The following CDC26 variants were observed in gnomAD, a reference collection of about 807,000 sequenced individuals.
CDC26 encodes cell division cycle 26.
Under a neutral mutation model 8.0 loss-of-function variants are expected in CDC26, and 2 were observed. The ratio of observed to expected loss-of-function variants is 0.25; its 90% CI spans 0.10 to 0.79. CDC26 has a LOEUF of 0.79. Ranked by LOEUF, CDC26 falls within the 30% of genes least tolerant of loss-of-function variation. The probability of loss-of-function intolerance (pLI) is 0.70; values close to 1 mark genes in which losing one functional copy is unlikely to be tolerated. For missense variants in CDC26, 68 were observed against 106.0 expected (o/e 0.64, Z 1.57); for synonymous variants, 19 against 34.9 (o/e 0.55, Z 1.60).
intron 3 of CDC26, 23 bp from the exon 4 acceptor site, chr9:113,267,462 A>G (rs897890265): frequency 1.3e-6 from 2 of 1,587,670 alleles, no homozygotes; most frequent in African/African-American, 2.7e-5. Flanking sequence ...AAGTTTTAGG[A>G]TTAAGGCAAC....
intron 3 of CDC26, among the ~76,000 whole-genome samples, chr9:113,271,401 TAGTC>T (rs1372698798): frequency 6.6e-6 from 1 of 152,162 alleles, no homozygotes; most frequent in Non-Finnish European, 1.5e-5. Flanking sequence ...TATCCTGGGT[TAGTC>T]AGGTGGGCCC....
At chr9:113,270,150 T>C (rs774477827) in intron 3 of CDC26, among the ~76,000 whole-genome samples, 7 of 152,158 alleles carry the variant, frequency 4.6e-5, no homozygotes, top group Non-Finnish European at 8.8e-5. Flanking sequence ...GAGTAAGAGT[T>C]AGCCTGGCAA....
Position 113,267,336 on chromosome 9 carries a change from T to C in CDC26, c.185A>G (p.Asn62Ser). 1.3e-6 allele frequency: 2 copies of C among 1,599,168 alleles called. No homozygotes were observed. Among genetic ancestry groups the C allele is most frequent in the African/African-American group, 1.4e-5 (1 of 73,928 alleles). ...TTGGGGTTTATAACCAATCCGATCATTGATCATTTGTTCCCGGCTCTTGGG... is the reference window on the plus strand; with the variant it reads ...TTGGGGTTTATAACCAATCCGATCACTGATCATTTGTTCCCGGCTCTTGGG... ...SDPKSREQMI[N>S]DRIGYKPQPK... The change falls in exon 4 of 4, where the codon AAT (asparagine) becomes AGT (serine). Residue 62 changes from asparagine to serine, a missense_variant. Coordinates refer to ENST00000374206, the MANE Select transcript of CDC26 (RefSeq NM_139286.4).
At chr9:113,269,090 G>A (rs1257472174) in intron 3 of CDC26, among the ~76,000 whole-genome samples, 5 of 152,112 alleles carry the variant, frequency 3.3e-5, no homozygotes, top group Admixed American at 6.6e-5. Flanking sequence ...GCATGGTGGC[G>A]CATGCCTGTA....
At chr9:113,272,400 C>G in intron 3 of CDC26, 27 bp downstream of exon 3, 1 of 1,567,582 alleles carries the variant, frequency 6.4e-7, no homozygotes, top group Non-Finnish European at 8.8e-7. Flanking sequence ...GACTCCATCT[C>G]AAAAAAACAC....
intron 1 of CDC26, among the ~76,000 whole-genome samples, chr9:113,273,937 A>G (rs1374479073): frequency 6.6e-6 from 1 of 152,088 alleles, no homozygotes; most frequent in African/African-American, 2.4e-5. Context: ...GAGAAAACAC[A>G]ACCCCCCAAC....
At chr9:113,272,157 C>T (rs1409474261) in intron 3 of CDC26, among the ~76,000 whole-genome samples, 2 of 152,252 alleles carry the variant, frequency 1.3e-5, no homozygotes, top group African/African-American at 4.8e-5. Context: ...GTGGCTCACG[C>T]GTGTAATCCC....
In CDC26 at chr9:113,275,561, A is replaced by AT. The variant is rs1832055583; in HGVS notation, c.-332dup. The AT allele has an allele frequency of 1.3e-5, 8 of 596,268 alleles. No individual in the cohort carries two copies. In the South Asian group the frequency reaches 1.7e-4, roughly 13 times the overall value. The allele number at this position is 596,268 out of a possible 1,614,324, so 36.9% of individuals were successfully genotyped here. On this transcript the variant is annotated 5_prime_UTR_variant, in exon 1 of 4. The change creates a new upstream start codon in the 5' untranslated region. Transcript: ENST00000374206. ...GGATGCCCCTCAATGCCACGACGCC[A>AT]TTTCCTACTACGACTTCCATCATGC...
intron 3 of CDC26, among the ~76,000 whole-genome samples, chr9:113,269,353 T>G (rs1017404238): frequency 1.3e-5 from 2 of 152,254 alleles, no homozygotes; most frequent in African/African-American, 4.8e-5. Context: ...AAGTTCTACC[T>G]AAATACCTTT....
At chr9:113,274,536 GA>G (rs5900048) in intron 1 of CDC26, among the ~76,000 whole-genome samples, 95 of 151,078 alleles carry the variant, frequency 6.3e-4, no homozygotes, top group African/African-American at 1.8e-3. Flanking sequence ...CTAAAAGGGG[GA>G]AAAAAAAATC....
chr9:113,267,826 A>G (rs1831887056), intron 3 of CDC26, among the ~76,000 whole-genome samples: 1 of 152,142 alleles, frequency 6.6e-6, no homozygotes, highest in African/African-American at 2.4e-5. Flanking sequence ...ATCTCTACTA[A>G]AAATACAAAA....
chr9:113,274,277 T>G (rs1464977421), intron 1 of CDC26, among the ~76,000 whole-genome samples: 2 of 152,174 alleles, frequency 1.3e-5, no homozygotes. Flanking sequence ...CTTGAAAGTA[T>G]GTACAGATAC....
rs753125186 is a variant in CDC26, at chr9:113,269,114, A to G, written c.82-1675T>C. Among the ~76,000 whole-genome samples the G allele has an allele frequency of 5.9e-5, 9 of 152,230 alleles. No individual in the cohort carries two copies. In the South Asian group the frequency reaches 6.2e-4, roughly 11 times the overall value. On this transcript the variant is annotated intron_variant, in intron 3 of 3. Coordinates refer to ENST00000374206, the MANE Select transcript of CDC26 (RefSeq NM_139286.4). The stretch of plus-strand genomic sequence containing the variant: ...CGCATGCCTGTATTCCCAGTTATTC[A>G]GGGGGCCTGATGTGGTAGGATCACC...
chr9:113,272,306 C>G (rs1227658107), intron 3 of CDC26, 121 bp downstream of exon 3: 2 of 726,514 alleles, frequency 2.8e-6, no homozygotes, highest in Non-Finnish European at 4.9e-6. Context: ...GTGGTCCCAG[C>G]ACGCGGGAGG....
rs1026872566 is a variant in CDC26 at position 113,272,573 on chromosome 9, A to T, written c.-41-25T>A. ...GCTGTTAAAAATGAAAGAGAGGAGG[A>T]AAATCTGAAGGTGATAAAGTCTCAG... On this transcript the variant is annotated intron_variant, in intron 2 of 3. Coordinates refer to ENST00000374206, the MANE Select transcript of CDC26 (RefSeq NM_139286.4). 4.4e-5 allele frequency: 52 copies of T among 1,188,250 alleles called. No individual in the cohort carries two copies. The African/African-American group carries it at 6.5e-4, about 15-fold the overall frequency. The allele number at this position is 1,188,250 out of a possible 1,614,324, so 73.6% of individuals were successfully genotyped here.
At chr9:113,271,403 G>A (rs1381996167) in intron 3 of CDC26, among the ~76,000 whole-genome samples, 1 of 152,178 alleles carries the variant, frequency 6.6e-6, no homozygotes, top group East Asian at 1.9e-4. Flanking sequence ...TCCTGGGTTA[G>A]TCAGGTGGGC....
At chr9:113,271,234 G>C (rs1454822223) in intron 3 of CDC26, among the ~76,000 whole-genome samples, 2 of 152,178 alleles carry the variant, frequency 1.3e-5, no homozygotes, top group African/African-American at 4.8e-5. Context: ...GAGAAATCAA[G>C]AGTTTTTCTC....
intron 3 of CDC26, among the ~76,000 whole-genome samples, chr9:113,270,705 AT>A (rs1345875739): frequency 6.6e-6 from 1 of 152,188 alleles, no homozygotes; most frequent in Non-Finnish European, 1.5e-5. Context: ...TGATAAATAG[AT>A]TGGCATGTTC....
At chr9:113,270,136 G>C (rs1831930828) in intron 3 of CDC26, among the ~76,000 whole-genome samples, 1 of 152,210 alleles carries the variant, frequency 6.6e-6, no homozygotes, top group South Asian at 2.1e-4. Context: ...CTGGGGGCTG[G>C]AAGGAGTAAG....
Sources: allele counts gnomAD v4.1 joint callset (sites outside exome capture counted in the v4.1 genomes callset), GRCh38; gene constraint gnomAD v4.1.1; transcripts MANE v1.5; gene names NCBI Gene and HGNC (gene_info 2026-07-23, HGNC 2026-07-21).